GLI2: variants seen among roughly 807,000 people sequenced by gnomAD.
GLI2 encodes GLI family zinc finger 2.
In GLI2, 22 loss-of-function variants were observed where a neutral mutation model predicts 78.9. That is an observed-to-expected ratio of 0.28 (90% CI 0.20 to 0.40). The LOEUF (loss-of-function observed/expected upper bound fraction) is 0.40, where lower values mean the gene tolerates loss of function less well. Ranked by LOEUF, GLI2 falls within the 10% of genes least tolerant of loss-of-function variation. The pLI, the probability that GLI2 is intolerant of heterozygous loss-of-function variation, is 1.00. For missense variants in GLI2, 2,097 were observed against 2,213.2 expected, an observed-to-expected ratio of 0.95 and a Z score of 1.05; for synonymous variants, 974 against 963.7, an observed-to-expected ratio of 1.01 and a Z score of -0.20.
chr2:120,955,542 C>A, intron 5 of GLI2, 112 bp downstream of exon 5: 1 of 714,970 alleles, frequency 1.4e-6, no homozygotes, highest in Non-Finnish European at 2.3e-6. Flanking sequence ...AGAGGTCGGG[C>A]TGTACCCCAA....
intron 1 of GLI2, among the ~76,000 whole-genome samples, chr2:120,779,860 C>T (rs1683785863): frequency 6.6e-6 from 1 of 152,240 alleles, no homozygotes; most frequent in Admixed American, 6.5e-5. Flanking sequence ...TTCTCCTTCC[C>T]AGCCCGGGAG....
intron 8 of GLI2, among the ~76,000 whole-genome samples, chr2:120,974,064 GACA>G (rs934068425): frequency 1.5e-4 from 23 of 152,156 alleles, no homozygotes; most frequent in African/African-American, 2.4e-4. Flanking sequence ...TATTCTGAAA[GACA>G]ACATTTTCCT....
chr2:120,789,341 C>T (rs1314135355), intron 1 of GLI2, among the ~76,000 whole-genome samples: 3 of 152,118 alleles, frequency 2.0e-5, no homozygotes, highest in African/African-American at 7.2e-5. Context: ...CTTCTGTCTC[C>T]CTGTGGGAAC....
At chr2:120,953,762 G>C (rs1681105609) in intron 4 of GLI2, among the ~76,000 whole-genome samples, 1 of 152,102 alleles carries the variant, frequency 6.6e-6, no homozygotes, top group Admixed American at 6.5e-5. Context: ...CAGGTGGGAG[G>C]ATCGCTTGAG....
intron 1 of GLI2, among the ~76,000 whole-genome samples, chr2:120,796,000 C>T (rs569567208): frequency 6.6e-6 from 1 of 152,044 alleles, no homozygotes; most frequent in Admixed American, 6.6e-5. Flanking sequence ...GCCAAGATCG[C>T]GCCATTGCAC....
At chr2:120,784,072 G>A (rs189117337) in intron 1 of GLI2, among the ~76,000 whole-genome samples, 2 of 152,242 alleles carry the variant, frequency 1.3e-5, no homozygotes, top group Admixed American at 1.3e-4. Context: ...GGGACATGGT[G>A]TGCGGGGGCA....
chr2:120,863,954 T>C (rs1453710570), intron 2 of GLI2, among the ~76,000 whole-genome samples: 1 of 151,990 alleles, frequency 6.6e-6, no homozygotes, highest in African/African-American at 2.4e-5. Flanking sequence ...CATATTAGGG[T>C]CAATGGAAAG....
chr2:120,982,775 C>T lies in GLI2; in HGVS notation c.1527C>T (p.Ser509=), dbSNP rs1682774875. The T allele has an allele frequency of 1.2e-6, 2 of 1,613,934 alleles. No homozygotes were observed. Among genetic ancestry groups the T allele is most frequent in the African/African-American group, 1.3e-5 (1 of 74,916 alleles). The change falls in exon 11 of 14, where the codon TCC becomes TCT. Residue 509 remains serine, a synonymous_variant. Coordinates refer to ENST00000361492, the MANE Select transcript of GLI2 (RefSeq NM_001374353.1). ...AGAACCTGAAGACACACCTGCGGTCCCACACCGGGGAGAAGCCATATGTGT... is the reference window on the plus strand; with the variant it reads ...AGAACCTGAAGACACACCTGCGGTCTCACACCGGGGAGAAGCCATATGTGT... ...RLENLKTHLR[S]HTGEKPYVCE...
intron 1 of GLI2, among the ~76,000 whole-genome samples, chr2:120,761,120 A>G (rs989650722): frequency 6.6e-6 from 1 of 152,198 alleles, no homozygotes; most frequent in African/African-American, 2.4e-5. Context: ...AAAATAAAGG[A>G]GAATGAGGTG....
rs147224778 is a variant in GLI2 at position 120,927,400 on chromosome 2, C to T, written c.188C>T (p.Pro63Leu). ...HLLPPFHAPLPIDMRHQEGRY... is the reference protein window; with the variant it reads ...HLLPPFHAPLLIDMRHQEGRY... Reference sequence around the variant, plus strand: ...TTGCCACCATTCCATGCGCCCCTACCGATTGACATGCGACACCAGGAAGGA... The same window carrying T: ...TTGCCACCATTCCATGCGCCCCTACTGATTGACATGCGACACCAGGAAGGA... Residue 63 changes from proline to leucine, a missense_variant, in exon 3 of 14, where the codon CCG becomes CTG. Physicochemically the swap from Pro to Leu is moderately conservative, Grantham distance 98 (BLOSUM62 -3). This residue lies in a region of GLI2 where 578 missense variants were observed against 612.0 expected (regional missense o/e 0.94). Transcript: ENST00000361492. The T allele has an allele frequency of 1.9e-5, 31 of 1,614,026 alleles. No homozygotes were observed. The African/African-American group carries it at 3.1e-4, about 16-fold the overall frequency.
At chr2:120,970,102 AGTG>A (rs1444861389) in intron 6 of GLI2, among the ~76,000 whole-genome samples, 2 of 152,124 alleles carry the variant, frequency 1.3e-5, no homozygotes, top group Non-Finnish European at 2.9e-5. Flanking sequence ...GTATCACAGC[AGTG>A]GAGAGGCCAG....
intron 2 of GLI2, among the ~76,000 whole-genome samples, chr2:120,857,916 T>C (rs1433557917): frequency 1.3e-5 from 2 of 152,180 alleles, no homozygotes; most frequent in Non-Finnish European, 2.9e-5. Flanking sequence ...GCTCCTTCAC[T>C]CAGAGTTGCG....
intron 2 of GLI2, among the ~76,000 whole-genome samples, chr2:120,804,461 G>T (rs1437165238): frequency 6.6e-6 from 1 of 152,236 alleles, no homozygotes; most frequent in East Asian, 1.9e-4. Flanking sequence ...ATAAGGGTCA[G>T]TTGAGGCTGG....
chr2:120,948,422 G>A (rs977985603), intron 3 of GLI2, among the ~76,000 whole-genome samples: 38 of 152,096 alleles, frequency 2.5e-4, no homozygotes, highest in African/African-American at 7.0e-4. Context: ...TGATGCTTGC[G>A]GTGGGAAGGG....
intron 2 of GLI2, among the ~76,000 whole-genome samples, chr2:120,925,503 A>C (rs1043322134): frequency 6.6e-6 from 1 of 152,246 alleles, no homozygotes; most frequent in Non-Finnish European, 1.5e-5. Flanking sequence ...AGATTCTGGC[A>C]CAGGCTGTAA....
intron 1 of GLI2, among the ~76,000 whole-genome samples, chr2:120,769,938 T>G (rs1381384926): frequency 6.6e-6 from 1 of 152,120 alleles, no homozygotes; most frequent in Non-Finnish European, 1.5e-5. Context: ...CATGACTGGA[T>G]GGGTCCTGGC....
intron 1 of GLI2, among the ~76,000 whole-genome samples, chr2:120,790,404 G>T (rs117344822): frequency 6.6e-6 from 1 of 152,166 alleles, no homozygotes; most frequent in Non-Finnish European, 1.5e-5. Context: ...CTGCCTCCCC[G>T]CATCTGACCA....
intron 2 of GLI2, among the ~76,000 whole-genome samples, chr2:120,922,478 A>G (rs1423886222): frequency 6.6e-6 from 1 of 152,176 alleles, no homozygotes; most frequent in Non-Finnish European, 1.5e-5. Context: ...GGAAAAGACT[A>G]TGAGACCACC....
intron 2 of GLI2, among the ~76,000 whole-genome samples, chr2:120,816,159 G>A (rs1417032466): frequency 1.3e-5 from 2 of 149,864 alleles, no homozygotes; most frequent in African/African-American, 2.5e-5. Context: ...ACAGATCCCT[G>A]TACACTTAAA....
Sources: gnomAD v4.1 joint callset for allele counts (sites outside exome capture counted in the v4.1 genomes callset) on GRCh38, gnomAD v4.1.1 for gene constraint, gnomAD v4.1.1 regional missense constraint, MANE v1.5 for transcripts, NCBI Gene and HGNC (gene_info 2026-07-23, HGNC 2026-07-21) for gene names.